ACTN3: variants seen among roughly 807,000 people sequenced by gnomAD.
ACTN3 encodes the protein actinin alpha 3.
ACTN3 carries 91 observed loss-of-function variants against 119.6 expected under a neutral mutation model. That is an observed-to-expected ratio of 0.76 (90% confidence interval 0.64 to 0.91). The LOEUF is 0.91. ACTN3 is among the 40% of genes least tolerant of loss of function. ACTN3 has a pLI of 0.00. For synonymous variants in ACTN3, 456 were observed against 478.8 expected, an observed-to-expected ratio of 0.95 and a Z score of 0.62; for missense variants, 1,221 against 1,215.1, an observed-to-expected ratio of 1.00 and a Z score of -0.07.
Position 66,557,127 on chromosome 11 carries a change from C to T in ACTN3, c.805-6C>T. ...AATGCCAGCCTTCTGCCCACTCCCC[C>T]CACAGGCAGAGACAGCTGCCAACAG... On this transcript the variant is annotated splice_polypyrimidine_tract_variant and splice_region_variant and intron_variant, in intron 8 of 20. Coordinates refer to ENST00000513398, the MANE Select transcript of ACTN3 (RefSeq NM_001104.4). 3 of 1,552,088 alleles carry T rather than the reference C, an allele frequency of 1.9e-6. No individual in the cohort carries two copies. The highest frequency in any genetic ancestry group is 2.6e-6 in the Non-Finnish European group (3 of 1,147,190).
At chr11:66,556,475 A>C (rs1207353917) in intron 8 of ACTN3, among the ~76,000 whole-genome samples, 2 of 152,164 alleles carry the variant, frequency 1.3e-5, no homozygotes, top group African/African-American at 2.4e-5. Context: ...TTTGAGACAG[A>C]GTCTCACTCT....
chr11:66,547,187 T>C (rs1857368903), intron 1 of ACTN3, 103 bp downstream of exon 1: 5 of 1,316,388 alleles, frequency 3.8e-6, no homozygotes, highest in Non-Finnish European at 4.9e-6. Context: ...GTCTTTAACC[T>C]AGAGTGCTAA....
chr11:66,557,237 C>A lies in ACTN3; in HGVS notation c.897+12C>A, dbSNP rs1250393900. 9 of 1,550,858 alleles carry A rather than the reference C, an allele frequency of 5.8e-6. No homozygotes were observed. In the South Asian group the frequency reaches 9.5e-5, roughly 16 times the overall value. On this transcript the variant is annotated intron_variant, in intron 9 of 20. Coordinates refer to ENST00000513398, the MANE Select transcript of ACTN3 (RefSeq NM_001104.4). The stretch of plus-strand genomic sequence containing the variant: ...AGCTTGCCAGTGAGGTGAGGCTGGG[C>A]TCCCACCGTGCTCTCCCCACCCCAG...
intron 8 of ACTN3, 85 bp downstream of exon 8, chr11:66,556,315 C>T: frequency 7.3e-7 from 1 of 1,360,668 alleles, no homozygotes; most frequent in Non-Finnish European, 1.0e-6. Context: ...GGCGCCAGAC[C>T]ACGGAGGTTG....
chr11:66,559,133 G>A (rs907634816), intron 11 of ACTN3, 103 bp from the exon 12 acceptor site: 48 of 1,276,916 alleles, frequency 3.8e-5, no homozygotes, highest in Non-Finnish European at 4.9e-5. Context: ...CTAGGCCGGT[G>A]CGATCGCCAC....
chr11:66,550,582 G>A lies in ACTN3; in HGVS notation c.148-657G>A, dbSNP rs185519895. ...CCAGTCTGGGCAACATAATAAGACC[G>A]AGGCAGGAGGATCACTTGAGCCCAG... On this transcript the variant is annotated intron_variant, in intron 1 of 20. Coordinates refer to ENST00000513398, the MANE Select transcript of ACTN3 (RefSeq NM_001104.4). Among the ~76,000 whole-genome samples the A allele has an allele frequency of 3.0e-4, 46 of 152,110 alleles. 1 individual carries two copies. Among genetic ancestry groups the A allele is most frequent in the African/African-American group, 9.6e-4 (40 of 41,514 alleles).
intron 7 of ACTN3, 62 bp downstream of exon 7, chr11:66,555,429 C>T: frequency 1.3e-6 from 2 of 1,554,596 alleles, no homozygotes; most frequent in East Asian, 2.2e-5. Flanking sequence ...GGTACAACCT[C>T]CACACCTTTG....
upstream of ACTN3, chr11:66,546,446 G>A (rs1263742866): frequency 1.3e-5 from 16 of 1,271,646 alleles, no homozygotes; most frequent in Admixed American, 4.7e-5. Flanking sequence ...CCCCATGCCC[G>A]GGTGTCTCCA....
chr11:66,555,602 C>T (rs912007602), intron 7 of ACTN3, among the ~76,000 whole-genome samples: 1 of 152,210 alleles, frequency 6.6e-6, no homozygotes, highest in Non-Finnish European at 1.5e-5. Context: ...CCTTCTGCCT[C>T]ACATCCCAGT....
Position 66,562,815 on chromosome 11 carries a change from G to T in ACTN3, c.2408G>T (p.Arg803Leu). Residue 803 changes from arginine to leucine, a missense_variant, in exon 20 of 21, where the codon CGC becomes CTC. Coordinates refer to ENST00000513398, the MANE Select transcript of ACTN3 (RefSeq NM_001104.4). ...GYDLGEVEFARIMTMVDPNAA... is the reference protein window; with the variant it reads ...GYDLGEVEFALIMTMVDPNAA... ...CTGCAGGGGGAAGTGGAGTTTGCTCGCATCATGACCATGGTGGACCCCAAC... is the reference window on the plus strand; with the variant it reads ...CTGCAGGGGGAAGTGGAGTTTGCTCTCATCATGACCATGGTGGACCCCAAC... 6.2e-7 allele frequency: 1 copy of T among 1,611,042 alleles called. No homozygotes were observed.
At chr11:66,561,830 A>G (rs1200672819) in intron 17 of ACTN3, among the ~76,000 whole-genome samples, 192 bp from the exon 18 acceptor site, 1 of 144,628 alleles carries the variant, frequency 6.9e-6, no homozygotes, top group Non-Finnish European at 1.5e-5. Context: ...AAGATTGGCC[A>G]TAGCTGGTTA....
chr11:66,561,175 A>G (rs1309468329), intron 15 of ACTN3, 52 bp from the exon 16 acceptor site: 49 of 1,476,428 alleles, frequency 3.3e-5, no homozygotes, highest in Non-Finnish European at 4.4e-5. Flanking sequence ...TCTCCCCTAA[A>G]GCCATTTCCC....
Position 66,563,071 on chromosome 11 carries a change from C to G in ACTN3, c.2584C>G (p.Pro862Ala), listed in dbSNP as rs774954189. 1.2e-6 allele frequency: 2 copies of G among 1,612,762 alleles called. No individual in the cohort carries two copies. The highest frequency in any genetic ancestry group is 2.2e-5 in the East Asian group (1 of 44,868). Reference sequence around the variant, plus strand: ...CCCCGAGGAGCTGCGGCGCGAGCTCCCTGCCAAGCAGGCCGAGTACTGCAT... The same window carrying G: ...CCCCGAGGAGCTGCGGCGCGAGCTCGCTGCCAAGCAGGCCGAGTACTGCAT... ...ITPEELRREL[P>A]AKQAEYCIRR... The change falls in exon 21 of 21, where the codon CCT becomes GCT. Residue 862 changes from proline to alanine, a missense_variant. Around this residue, in one of 3 missense-constraint regions of ACTN3, gnomAD observed 934 missense variants for 899.9 expected, o/e 1.04. Transcript: ENST00000513398.
chr11:66,554,456 C>CAA (rs574346914), intron 4 of ACTN3, 80 bp from the exon 5 acceptor site: 13,161 of 846,154 alleles, frequency 0.016, 1 homozygote, highest in Middle Eastern at 0.018. Context: ...GACCCTGTCT[C>CAA]AAAAAAAAAA....
At position 66,555,112 on chromosome 11, in the gene ACTN3, C is replaced by T. The variant is rs1315564520; in HGVS notation, c.558-18C>T. On this transcript the variant is annotated intron_variant, in intron 5 of 20. Transcript: ENST00000513398. ...CCAGCTTGAACCCAGGCCTGACCCC[C>T]CTCTTCTCTCTGTCCAGCTGGAAGG... 6.2e-7 allele frequency: 1 copy of T among 1,613,440 alleles called. No individual in the cohort carries two copies. Among genetic ancestry groups the T allele is most frequent in the East Asian group, 2.2e-5 (1 of 44,842 alleles).
rs1857459716 is a variant in ACTN3 at position 66,551,130 on chromosome 11, G to T, written c.148-109G>T. 3.7e-6 allele frequency: 3 copies of T among 820,790 alleles called. No homozygotes were observed. The Admixed American group carries it at 6.0e-5, about 16-fold the overall frequency. 50.8% of individuals were successfully genotyped at this position (820,790 alleles called of 1,614,324 possible). The stretch of plus-strand genomic sequence containing the variant: ...CAGTGGCTGAGCTGAGCTGAGACTT[G>T]AATCCAGAAATACAAGGCTCTGAGA... On this transcript the variant is annotated intron_variant, in intron 1 of 20. Transcript: ENST00000513398.
At position 66,563,302 on chromosome 11, in the gene ACTN3, C is replaced by T. The variant is rs1406232842; in HGVS notation, c.*109C>T. The T allele has an allele frequency of 7.4e-7, 1 of 1,350,200 alleles. No individual in the cohort carries two copies. Among genetic ancestry groups the T allele is most frequent in the Non-Finnish European group, 9.9e-7 (1 of 1,011,270 alleles). The allele number at this position is 1,350,200 out of a possible 1,614,324, so 83.6% of individuals were successfully genotyped here. ...TAAGAGAAAAGCCAGCCAAGTGCTT[C>T]TGAATAAAGATCCCTCTCTGGGTCT... On this transcript the variant is annotated 3_prime_UTR_variant, in exon 21 of 21. Transcript: ENST00000513398.
At chr11:66,546,584 T>C, upstream of ACTN3, 1 of 1,535,618 alleles carries the variant, frequency 6.5e-7, no homozygotes, top group South Asian at 1.2e-5. Context: ...GGGCAGCCTC[T>C]AGAGCGGCCC....
Position 66,551,601 on chromosome 11 carries a change from C to T in ACTN3, c.336C>T (p.Asp112=), listed in dbSNP as rs2134919985. 6.2e-7 allele frequency: 1 copy of T among 1,614,072 alleles called. No individual in the cohort carries two copies. The highest frequency in any genetic ancestry group is 8.5e-7 in the Non-Finnish European group (1 of 1,180,046). ...HKIANVNKAL[D]FIASKGVKLV... ...TCGCCAACGTTAACAAGGCCCTGGA[C>T]TTCATTGCCAGCAAGGGGGTTAAAC... The change falls in exon 3 of 21, where the codon GAC becomes GAT. Residue 112 remains aspartate, a synonymous_variant. Coordinates refer to ENST00000513398, the MANE Select transcript of ACTN3 (RefSeq NM_001104.4).
Sources: gnomAD v4.1 joint callset for allele counts (sites outside exome capture counted in the v4.1 genomes callset) on GRCh38, gnomAD v4.1.1 for gene constraint, gnomAD v4.1.1 regional missense constraint, MANE v1.5 for transcripts, NCBI Gene and HGNC (gene_info 2026-07-23, HGNC 2026-07-21) for gene names.